The following DOCK8 variants were observed in gnomAD, a reference collection of about 807,000 sequenced individuals.
DOCK8 encodes dedicator of cytokinesis protein 8.
DOCK8 carries 141 observed loss-of-function variants against 245.6 expected under a neutral mutation model. The observed-to-expected ratio is 0.57, with a 90% CI of 0.50 to 0.66. DOCK8 has a LOEUF of 0.66. DOCK8 is among the 30% of genes least tolerant of loss of function. DOCK8 has a pLI of 0.00. For missense variants in DOCK8, 2,965 were observed against 2,603.4 expected, an observed-to-expected ratio of 1.14 and a Z score of -3.02; for synonymous variants, 1,168 against 970.2, an observed-to-expected ratio of 1.20 and a Z score of -3.79.
At chr9:284,374 G>C (rs538770052) in intron 2 of DOCK8, 2 of 152,318 alleles carry the variant, frequency 1.3e-5, no homozygotes, top group South Asian at 4.1e-4. Flanking sequence ...TTCATTTTCA[G>C]AGGGACCCTT....
rs1001203589 is a variant in DOCK8, at chr9:286,635, G to A, written c.331G>A (p.Gly111Arg). The change falls in exon 3 of 48, where the codon GGG (glycine) becomes AGG (arginine). Residue 111 changes from glycine to arginine, a missense_variant and splice_region_variant. Gly to Arg is a moderately radical substitution (Grantham distance 125, BLOSUM62 -2). This residue lies in a region of DOCK8 where 2,825 missense variants were observed against 2,453.5 expected (regional missense o/e 1.15). Coordinates refer to ENST00000432829, the MANE Select transcript of DOCK8 (RefSeq NM_203447.4). ...TTTGCAGCCCTCTTTGCCGGAGGAA[G>A]GGTAAATAGTTTTCTAAAATGTAGA... ...RTLQPSLPEE[G>R]VELDPHVRDC... is the part of the protein sequence containing the mutation. 9.3e-6 allele frequency: 15 copies of A among 1,613,692 alleles called. No homozygotes were observed. Among genetic ancestry groups the A allele is most frequent in the Non-Finnish European group, 1.2e-5 (14 of 1,179,734 alleles).
At chr9:299,675 C>G (rs1472951010) in intron 4 of DOCK8, among the ~76,000 whole-genome samples, 1 of 151,884 alleles carries the variant, frequency 6.6e-6, no homozygotes, top group Non-Finnish European at 1.5e-5. Flanking sequence ...TCACCCAGCC[C>G]TAGCAATATA....
chr9:405,158 G>T (rs1586935414), intron 27 of DOCK8, 85 bp downstream of exon 27: 5 of 1,383,200 alleles, frequency 3.6e-6, no homozygotes, highest in East Asian at 4.9e-5. Context: ...TCCTATAAAG[G>T]TTAGTCTTAT....
chr9:358,331 C>A (rs1387291604), intron 14 of DOCK8, among the ~76,000 whole-genome samples: 2 of 152,188 alleles, frequency 1.3e-5, no homozygotes, highest in African/African-American at 2.4e-5. Flanking sequence ...TGGCCTCAAA[C>A]AGTCCTCCTG....
chr9:464,587 C>G lies in DOCK8; in HGVS notation c.*368C>G, dbSNP rs944346124. On this transcript the variant is annotated 3_prime_UTR_variant, in exon 48 of 48. Coordinates refer to ENST00000432829, the MANE Select transcript of DOCK8 (RefSeq NM_203447.4). ...CATATTTGAATTTATTGGAGTAACT[C>G]AAATTGCCTGAGGAAAAATGGAAAA... 5 of 291,490 alleles carry G rather than the reference C, an allele frequency of 1.7e-5. No homozygotes were observed. The East Asian group carries it at 3.0e-4, about 18-fold the overall frequency. 18.1% of individuals were successfully genotyped at this position (291,490 alleles called of 1,614,324 possible).
intron 7 of DOCK8, 93 bp downstream of exon 7, chr9:317,221 C>T (rs1047695007): frequency 2.2e-5 from 23 of 1,045,372 alleles, no homozygotes; most frequent in South Asian, 8.1e-5. Context: ...TGAATCAAAG[C>T]GGAGCTCCCA....
chr9:269,138 C>G (rs1398400146), intron 1 of DOCK8, among the ~76,000 whole-genome samples: 1 of 152,176 alleles, frequency 6.6e-6, no homozygotes, highest in Non-Finnish European at 1.5e-5. Context: ...TCACAGTCAT[C>G]ACTACAATCA....
At position 307,330 on chromosome 9, in the gene DOCK8, T is replaced by TTTTTTTTG. The variant is rs1199662819; in HGVS notation, c.528+2634_528+2641dup. Among the ~76,000 whole-genome samples, 10 of 29,256 alleles carry TTTTTTTTG rather than the reference T, an allele frequency of 3.4e-4. No individual in the cohort carries two copies. The East Asian group carries it at 0.012, about 34-fold the overall frequency. 19.2% of individuals were successfully genotyped at this position (29,256 alleles called of 152,430 possible). On this transcript the variant is annotated intron_variant, in intron 5 of 47. Coordinates refer to ENST00000432829, the MANE Select transcript of DOCK8 (RefSeq NM_203447.4). ...ACTCAAGTCACTGTGTTGTGTGTGG[T>TTTTTTTTG]TTTTTTTGTTTTTTTTTTTTTTTTT... is the stretch of plus-strand genomic sequence containing the variant.
intron 1 of DOCK8, among the ~76,000 whole-genome samples, chr9:236,633 G>C (rs1190027058): frequency 1.3e-5 from 2 of 152,084 alleles, no homozygotes; most frequent in African/African-American, 2.4e-5. Flanking sequence ...GAATATTGAG[G>C]CTTCTAGGTC....
chr9:398,999 G>A, intron 25 of DOCK8, 147 bp from the exon 26 acceptor site: 1 of 712,634 alleles, frequency 1.4e-6, no homozygotes, highest in East Asian at 2.7e-5. Context: ...TTTAGTTAAA[G>A]GAGACTCAAC....
chr9:433,426 T>C (rs2056788064), intron 37 of DOCK8, among the ~76,000 whole-genome samples: 1 of 152,156 alleles, frequency 6.6e-6, no homozygotes, highest in Non-Finnish European at 1.5e-5. Context: ...TAATTAAGAA[T>C]AAATGATTAC....
intron 10 of DOCK8, 60 bp from the exon 11 acceptor site, chr9:334,165 A>C (rs968222830): frequency 2.8e-5 from 44 of 1,596,084 alleles, no homozygotes; most frequent in Non-Finnish European, 8.6e-6. Context: ...TATTCAGGTC[A>C]GAGGCAGTTG....
At chr9:267,545 C>G (rs1180622392) in intron 1 of DOCK8, among the ~76,000 whole-genome samples, 5 of 152,194 alleles carry the variant, frequency 3.3e-5, no homozygotes, top group Non-Finnish European at 5.9e-5. Flanking sequence ...CATAACTTCA[C>G]AGGAGACAGA....
At chr9:244,103 G>C (rs2131426335) in intron 1 of DOCK8, among the ~76,000 whole-genome samples, 1 of 151,498 alleles carries the variant, frequency 6.6e-6, no homozygotes, top group South Asian at 2.1e-4. Flanking sequence ...CAGGAGAATG[G>C]CGTGAACCCG....
At position 382,535 on chromosome 9, in the gene DOCK8, C is replaced by A; in HGVS notation, c.2628C>A (p.Asp876Glu). Residue 876 changes from aspartate to glutamate, a missense_variant, in exon 22 of 48, where the codon GAC becomes GAA. Physicochemically the swap from Asp to Glu is conservative, Grantham distance 45. This residue lies in a region of DOCK8 where 2,825 missense variants were observed against 2,453.5 expected (regional missense o/e 1.15). Transcript: ENST00000432829. ...CAGGCGCTCCCACTGCCCTCCTAGA[C>A]CCTCGGAGCTACCACACGTATGGCC... ...PKSGAPTALL[D>E]PRSYHTYGRT... 2 of 1,613,912 alleles carry A rather than the reference C, an allele frequency of 1.2e-6. No individual in the cohort carries two copies. The highest frequency in any genetic ancestry group is 8.5e-7 in the Non-Finnish European group (1 of 1,179,880).
chr9:308,459 C>T (rs1455940151), intron 5 of DOCK8, among the ~76,000 whole-genome samples: 2 of 152,226 alleles, frequency 1.3e-5, no homozygotes, highest in Admixed American at 6.5e-5. Context: ...TTCAATTCCA[C>T]TCTCATTCTT....
chr9:355,175 G>A (rs955475421), intron 14 of DOCK8, among the ~76,000 whole-genome samples: 2 of 142,026 alleles, frequency 1.4e-5, no homozygotes, highest in Non-Finnish European at 3.0e-5. Context: ...TCAGACTGGT[G>A]TATTTCTGTT....
chr9:298,992 A>G (rs1312874155), intron 4 of DOCK8, among the ~76,000 whole-genome samples: 1 of 152,110 alleles, frequency 6.6e-6, no homozygotes, highest in African/African-American at 2.4e-5. Context: ...TTAATGTTAG[A>G]TAAATTCTTT....
chr9:349,042 T>G (rs1007016775), intron 14 of DOCK8, among the ~76,000 whole-genome samples: 3 of 152,194 alleles, frequency 2.0e-5, no homozygotes, highest in African/African-American at 7.2e-5. Context: ...GGGAATCGTC[T>G]TATACTTCCA....
Sources: gnomAD v4.1 joint callset for allele counts (sites outside exome capture counted in the v4.1 genomes callset) on GRCh38, gnomAD v4.1.1 for gene constraint, gnomAD v4.1.1 regional missense constraint, MANE v1.5 for transcripts, NCBI Gene and HGNC (gene_info 2026-07-23, HGNC 2026-07-21) for gene names.